The following TRAM2 variants were observed in gnomAD, a reference collection of about 807,000 sequenced individuals.
TRAM2 encodes translocation associated membrane protein 2.
A neutral mutation model predicts 51.0 loss-of-function variants in TRAM2; 12 were observed. That is an observed-to-expected ratio of 0.24 (90% CI 0.15 to 0.38). The LOEUF is 0.38. Among genes scored for constraint, TRAM2 ranks in the 10% least tolerant of loss-of-function variants. The probability of loss-of-function intolerance (pLI) is 1.00; values close to 1 mark genes in which losing one functional copy is unlikely to be tolerated. For missense variants in TRAM2, 361 were observed against 462.0 expected, an observed-to-expected ratio of 0.78 and a Z score of 2.00; for synonymous variants, 175 against 179.4, an observed-to-expected ratio of 0.98 and a Z score of 0.20.
intron 2 of TRAM2, among the ~76,000 whole-genome samples, chr6:52,529,225 A>G (rs964957399): frequency 6.6e-6 from 1 of 152,160 alleles, no homozygotes; most frequent in African/African-American, 2.4e-5. Flanking sequence ...GAAGCTGTAT[A>G]GCACCAGCTG....
intron 1 of TRAM2, among the ~76,000 whole-genome samples, chr6:52,567,479 A>G (rs1162477816): frequency 6.6e-6 from 1 of 152,258 alleles, no homozygotes; most frequent in East Asian, 1.9e-4. Context: ...AAATGGTTGA[A>G]TAGTGTTGAA....
intron 2 of TRAM2, chr6:52,529,523 A>T (rs1185997945): frequency 6.6e-6 from 1 of 151,958 alleles, no homozygotes. Flanking sequence ...GTGGGGCCTG[A>T]GAGTGTGTTT....
At chr6:52,558,976 A>G (rs1180710459) in intron 1 of TRAM2, among the ~76,000 whole-genome samples, 1 of 152,190 alleles carries the variant, frequency 6.6e-6, no homozygotes, top group Non-Finnish European at 1.5e-5. Context: ...AGAGAGAGAA[A>G]TGGAAAGCTG....
At chr6:52,537,899 G>T (rs909224516) in intron 1 of TRAM2, among the ~76,000 whole-genome samples, 2 of 152,124 alleles carry the variant, frequency 1.3e-5, no homozygotes, top group Non-Finnish European at 2.9e-5. Context: ...CATCATCCAG[G>T]CTGTCCTCTA....
chr6:52,560,006 C>A lies in TRAM2; in HGVS notation c.120+16790G>T, dbSNP rs142692857. ...CTGTAATCCTAACACTTTGGGAAGC[C>A]GAGGCAGGTGGATCACCTGAGGTCA... On this transcript the variant is annotated intron_variant, in intron 1 of 10. Coordinates refer to ENST00000182527, the MANE Select transcript of TRAM2 (RefSeq NM_012288.4). Among the ~76,000 whole-genome samples, 710 of 152,092 alleles carry A rather than the reference C, an allele frequency of 4.7e-3. 6 individuals carry two copies. Among genetic ancestry groups the A allele is most frequent in the African/African-American group, 0.016 (664 of 41,498 alleles).
chr6:52,509,441 C>T (rs1373255399), intron 5 of TRAM2, 87 bp downstream of exon 5: 3 of 1,321,834 alleles, frequency 2.3e-6, no homozygotes, highest in Non-Finnish European at 3.2e-6. Flanking sequence ...CCAGCTGGGC[C>T]TGTGGTGTTC....
At chr6:52,529,020 A>T (rs1316337057) in intron 2 of TRAM2, among the ~76,000 whole-genome samples, 2 of 150,272 alleles carry the variant, frequency 1.3e-5, no homozygotes, top group Non-Finnish European at 3.0e-5. Context: ...CCTCCCGAGC[A>T]GCTGGGACTA....
chr6:52,560,121 T>C (rs1450156926), intron 1 of TRAM2, among the ~76,000 whole-genome samples: 1 of 151,876 alleles, frequency 6.6e-6, no homozygotes, highest in East Asian at 1.9e-4. Flanking sequence ...TGGGCGCCTG[T>C]AATCCCAGCT....
At chr6:52,573,924 G>A (rs1396259786) in intron 1 of TRAM2, among the ~76,000 whole-genome samples, 2 of 152,214 alleles carry the variant, frequency 1.3e-5, no homozygotes, top group Non-Finnish European at 2.9e-5. Context: ...GAATGGCCAA[G>A]AGAGTCGCTC....
chr6:52,524,056 C>G (rs1237176824), intron 2 of TRAM2: 3 of 152,148 alleles, frequency 2.0e-5, no homozygotes, highest in Admixed American at 6.5e-5. Context: ...TTAAAAACAT[C>G]AGAGAGAAAT....
Position 52,516,746 on chromosome 6 carries a change from G to A in TRAM2, c.185-9C>T, listed in dbSNP as rs370001203. ...GTGCACGGTCTCACTGTCTGTGGAG[G>A]TAATAAAAGTCCCATCAGCATCCCT... On this transcript the variant is annotated splice_polypyrimidine_tract_variant and intron_variant, in intron 2 of 10. Coordinates refer to ENST00000182527, the MANE Select transcript of TRAM2 (RefSeq NM_012288.4). 29 of 1,602,996 alleles carry A rather than the reference G, an allele frequency of 1.8e-5. No homozygotes were observed. The highest frequency in any genetic ancestry group is 2.5e-5 in the Non-Finnish European group (29 of 1,170,034).
chr6:52,538,700 C>T (rs1249239141), intron 1 of TRAM2, among the ~76,000 whole-genome samples: 3 of 152,198 alleles, frequency 2.0e-5, no homozygotes, highest in Non-Finnish European at 4.4e-5. Context: ...TGTCAAACTC[C>T]CCAGAGCATT....
intron 1 of TRAM2, among the ~76,000 whole-genome samples, chr6:52,547,518 G>A (rs1032490050): frequency 5.9e-5 from 9 of 152,142 alleles, no homozygotes; most frequent in African/African-American, 1.7e-4. Context: ...GGGGAGAGAG[G>A]CAAAAACAAA....
In TRAM2 at chr6:52,501,169, G is replaced by A. The variant is rs759802673; in HGVS notation, c.*2028C>T. 6.6e-6 allele frequency: 1 copy of A among 152,224 alleles called. No homozygotes were observed. Among genetic ancestry groups the A allele is most frequent in the Non-Finnish European group, 1.5e-5 (1 of 68,066 alleles). The allele number at this position is 152,224 out of a possible 1,614,324, so 9.4% of individuals were successfully genotyped here. On this transcript the variant is annotated 3_prime_UTR_variant, in exon 11 of 11. Transcript: ENST00000182527. Reference sequence around the variant, plus strand: ...GCTGTGCAGCCCAGAGAAGTGTCAGGGAAGGAGAGGGAGAAATGGGGGAAA... The same window carrying A: ...GCTGTGCAGCCCAGAGAAGTGTCAGAGAAGGAGAGGGAGAAATGGGGGAAA...
chr6:52,535,763 TG>T lies in TRAM2; in HGVS notation c.184+19del. 1 of 1,605,786 alleles carries T rather than the reference TG, an allele frequency of 6.2e-7. No individual in the cohort carries two copies. The highest frequency in any genetic ancestry group is 1.3e-5 in the African/African-American group (1 of 74,696). On this transcript the variant is annotated intron_variant, in intron 2 of 10. Coordinates refer to ENST00000182527, the MANE Select transcript of TRAM2 (RefSeq NM_012288.4). ...CAGGGTTAACAGGGCCAGGAGAAGATGGAGACCAGTGATTCTTACCTGCTGT... is the reference window on the plus strand; with the variant it reads ...CAGGGTTAACAGGGCCAGGAGAAGATGAGACCAGTGATTCTTACCTGCTGT...
intron 1 of TRAM2, among the ~76,000 whole-genome samples, chr6:52,574,029 C>T (rs1767723258): frequency 6.6e-6 from 1 of 152,162 alleles, no homozygotes; most frequent in African/African-American, 2.4e-5. Flanking sequence ...AGCCTATGTC[C>T]TCTCACCCCT....
chr6:52,555,482 G>C (rs373151846), intron 1 of TRAM2, among the ~76,000 whole-genome samples: 1 of 151,962 alleles, frequency 6.6e-6, no homozygotes, highest in South Asian at 2.1e-4. Context: ...GAAATCCTAC[G>C]ACAGAGAAAA....
intron 4 of TRAM2, among the ~76,000 whole-genome samples, chr6:52,513,458 A>G (rs970206776): frequency 7.9e-5 from 12 of 152,132 alleles, no homozygotes; most frequent in African/African-American, 2.9e-4. Flanking sequence ...CTCAGAATCT[A>G]GTGGGAGAAA....
At chr6:52,552,073 C>A (rs551999713) in intron 1 of TRAM2, among the ~76,000 whole-genome samples, 4 of 152,250 alleles carry the variant, frequency 2.6e-5, no homozygotes. Flanking sequence ...ACACGGAAAC[C>A]CTAGCCACGT....
Sources: allele counts gnomAD v4.1 joint callset (sites outside exome capture counted in the v4.1 genomes callset), GRCh38; gene constraint gnomAD v4.1.1; transcripts MANE v1.5; gene names NCBI Gene and HGNC (gene_info 2026-07-23, HGNC 2026-07-21).